The following PLPP4 variants were observed in gnomAD, a reference collection of about 807,000 sequenced individuals.
PLPP4 encodes phospholipid phosphatase 4.
PLPP4 carries 20 observed loss-of-function variants against 32.2 expected under a neutral mutation model. The ratio of observed to expected loss-of-function variants is 0.62; its 90% CI spans 0.44 to 0.90. The LOEUF is 0.90. Ranked by LOEUF, PLPP4 falls within the 40% of genes least tolerant of loss-of-function variation. The probability of loss-of-function intolerance (pLI) is 0.00; values close to 1 mark genes in which losing one functional copy is unlikely to be tolerated. For synonymous variants in PLPP4, 127 were observed against 133.0 expected, an observed-to-expected ratio of 0.95 and a Z score of 0.31; for missense variants, 257 against 353.1, an observed-to-expected ratio of 0.73 and a Z score of 2.18.
intron 6 of PLPP4, among the ~76,000 whole-genome samples, chr10:120,581,605 G>C (rs958282062): frequency 6.6e-6 from 1 of 152,200 alleles, no homozygotes; most frequent in African/African-American, 2.4e-5. Context: ...CATCGCTTGA[G>C]CTTCTTGCTA....
At chr10:120,589,078 A>T (rs729370) in intron 6 of PLPP4, among the ~76,000 whole-genome samples, 3 of 151,816 alleles carry the variant, frequency 2.0e-5, no homozygotes, top group South Asian at 4.2e-4. Flanking sequence ...CAAAACAAAA[A>T]ACCGGGAAGA....
intron 5 of PLPP4, among the ~76,000 whole-genome samples, chr10:120,565,661 T>G (rs1848661609): frequency 6.6e-6 from 1 of 152,176 alleles, no homozygotes; most frequent in African/African-American, 2.4e-5. Context: ...GTTCCTTTTA[T>G]GTATCTTGTT....
intron 2 of PLPP4, among the ~76,000 whole-genome samples, chr10:120,505,243 C>T (rs983237738): frequency 1.3e-5 from 2 of 152,230 alleles, no homozygotes; most frequent in African/African-American, 4.8e-5. Context: ...TGGAGCTCAG[C>T]TCTCAGCCAA....
intron 1 of PLPP4, among the ~76,000 whole-genome samples, chr10:120,465,521 T>C (rs1848270663): frequency 6.6e-6 from 1 of 152,208 alleles, no homozygotes; most frequent in African/African-American, 2.4e-5. Flanking sequence ...AGCATTTAGG[T>C]TGGTTTCTAG....
intron 1 of PLPP4, among the ~76,000 whole-genome samples, chr10:120,479,789 A>G (rs1408142283): frequency 1.3e-5 from 2 of 152,234 alleles, no homozygotes; most frequent in Non-Finnish European, 2.9e-5. Context: ...ATGGCTGGAG[A>G]TGAAATGGTG....
In PLPP4 at chr10:120,558,604, C is replaced by T. The variant is rs139705479; in HGVS notation, c.446-16527C>T. On this transcript the variant is annotated intron_variant, in intron 5 of 6. Transcript: ENST00000398250. ...CCAATGTTTGTATTTTTAGTAAAGACGAGGTTGCACCATGTTGGCCAGGCT... is the reference window on the plus strand; with the variant it reads ...CCAATGTTTGTATTTTTAGTAAAGATGAGGTTGCACCATGTTGGCCAGGCT... Among the ~76,000 whole-genome samples the T allele has an allele frequency of 1.2e-3, 179 of 152,034 alleles. 1 individual carries two copies. Among genetic ancestry groups the T allele is most frequent in the Non-Finnish European group, 1.9e-3 (127 of 67,980 alleles).
rs563884927 is a variant in PLPP4 at position 120,558,041 on chromosome 10, T to TAAGTAA, written c.446-17089_446-17084dup. The stretch of plus-strand genomic sequence containing the variant: ...ATTAAATAATAATATTAATAAATAT[T>TAAGTAA]AAGTAATAATAAAAAAACAGACCTC... On this transcript the variant is annotated intron_variant, in intron 5 of 6. Transcript: ENST00000398250. 3.9e-3 allele frequency among the ~76,000 whole-genome samples: 589 copies of TAAGTAA among 151,064 alleles called. 1 individual carries two copies. The highest frequency in any genetic ancestry group is 0.013 in the African/African-American group (551 of 41,380).
chr10:120,474,286 A>G (rs1843800612), intron 1 of PLPP4, among the ~76,000 whole-genome samples: 1 of 152,004 alleles, frequency 6.6e-6, no homozygotes, highest in Non-Finnish European at 1.5e-5. Flanking sequence ...AAAATTTATC[A>G]TTTATCCATT....
intron 1 of PLPP4, among the ~76,000 whole-genome samples, chr10:120,495,013 G>A (rs1156473831): frequency 6.6e-6 from 1 of 152,180 alleles, no homozygotes; most frequent in Non-Finnish European, 1.5e-5. Flanking sequence ...TTGTATGTGT[G>A]TATTGTGTAT....
intron 5 of PLPP4, among the ~76,000 whole-genome samples, chr10:120,573,838 G>C (rs753409275): frequency 6.6e-6 from 1 of 152,182 alleles, no homozygotes; most frequent in Non-Finnish European, 1.5e-5. Flanking sequence ...GGTTGGACCT[G>C]AGGATCTGCA....
intron 5 of PLPP4, among the ~76,000 whole-genome samples, chr10:120,566,911 T>A (rs948290541): frequency 2.6e-5 from 4 of 152,172 alleles, no homozygotes; most frequent in African/African-American, 4.8e-5. Flanking sequence ...CTCAGGGATC[T>A]TCTGTGACAT....
intron 2 of PLPP4, 114 bp from the exon 3 acceptor site, chr10:120,513,797 A>G (rs1279878923): frequency 3.7e-6 from 3 of 818,190 alleles, no homozygotes; most frequent in African/African-American, 1.7e-5. Flanking sequence ...TCAGGAGTTC[A>G]GTAAGATTAT....
chr10:120,463,380 C>T (rs1201827972), intron 1 of PLPP4, among the ~76,000 whole-genome samples: 2 of 152,178 alleles, frequency 1.3e-5, no homozygotes, highest in Non-Finnish European at 2.9e-5. Flanking sequence ...CAAAAGACCT[C>T]GGGCTTTGGA....
At chr10:120,532,994 A>G (rs151124234) in intron 5 of PLPP4, among the ~76,000 whole-genome samples, 118 of 152,288 alleles carry the variant, frequency 7.7e-4, no homozygotes, top group Middle Eastern at 6.8e-3. Context: ...TATATTAGAT[A>G]GGTGCGAAAG....
chr10:120,575,259 A>G lies in PLPP4; in HGVS notation c.574A>G (p.Ile192Val), dbSNP rs781502484. 6.2e-7 allele frequency: 1 copy of G among 1,614,032 alleles called. No individual in the cohort carries two copies. The highest frequency in any genetic ancestry group is 8.5e-7 in the Non-Finnish European group (1 of 1,180,014). ...CCTGCCCTTGTACTGCGCCATGATG[A>G]TTGCCCTGTCCCGCATGTGCGACTA... ...AILPLYCAMM[I>V]ALSRMCDYKH... Residue 192 changes from isoleucine to valine, a missense_variant, in exon 6 of 7, where the codon ATT (isoleucine) becomes GTT (valine). Transcript: ENST00000398250.
intron 5 of PLPP4, among the ~76,000 whole-genome samples, chr10:120,525,921 G>A (rs1488512986): frequency 2.6e-5 from 4 of 151,856 alleles, no homozygotes; most frequent in African/African-American, 4.8e-5. Context: ...GGTATTTATC[G>A]TTCTGCTAAC....
At chr10:120,541,356 G>A (rs1847331083) in intron 5 of PLPP4, among the ~76,000 whole-genome samples, 1 of 152,194 alleles carries the variant, frequency 6.6e-6, no homozygotes, top group South Asian at 2.1e-4. Flanking sequence ...ATTCCCTATG[G>A]AACTGTGATT....
At chr10:120,466,103 G>T (rs145608726) in intron 1 of PLPP4, among the ~76,000 whole-genome samples, 1 of 152,078 alleles carries the variant, frequency 6.6e-6, no homozygotes, top group African/African-American at 2.4e-5. Context: ...TCTCTGTCCA[G>T]CTATACCTCT....
At position 120,590,988 on chromosome 10, in the gene PLPP4, C is replaced by T. The variant is rs1431318927; in HGVS notation, c.*1486C>T. Among the ~76,000 whole-genome samples, 6 of 152,116 alleles carry T rather than the reference C, an allele frequency of 3.9e-5. No homozygotes were observed. The highest frequency in any genetic ancestry group is 2.6e-4 in the Admixed American group (4 of 15,280). ...TTCACCACGTTGGCCAGGCTGGTCT[C>T]GGACTCCTAGCCTCAAGTGATCTGC... On this transcript the variant is annotated 3_prime_UTR_variant, in exon 7 of 7. Coordinates refer to ENST00000398250, the MANE Select transcript of PLPP4 (RefSeq NM_001030059.3).
Sources: allele counts gnomAD v4.1 joint callset (sites outside exome capture counted in the v4.1 genomes callset), GRCh38; gene constraint gnomAD v4.1.1; transcripts MANE v1.5; gene names NCBI Gene and HGNC (gene_info 2026-07-23, HGNC 2026-07-21).